Variants in DOCK1 observed in about 807,000 individuals in gnomAD.
The protein encoded by DOCK1 is dedicator of cytokinesis 1.
DOCK1 carries 138 observed loss-of-function variants against 262.7 expected under a neutral mutation model. The ratio of observed to expected loss-of-function variants is 0.53; its 90% confidence interval spans 0.46 to 0.61. The LOEUF (loss-of-function observed/expected upper bound fraction) is 0.61, where lower values mean the gene tolerates loss of function less well. DOCK1 is among the 20% of genes least tolerant of loss of function. The pLI, the probability that DOCK1 is intolerant of heterozygous loss-of-function variation, is 0.00. For synonymous variants in DOCK1, 866 were observed against 867.4 expected, an observed-to-expected ratio of 1.00 and a Z score of 0.03; for missense variants, 1,908 against 2,370.7, an observed-to-expected ratio of 0.80 and a Z score of 4.05.
intron 12 of DOCK1, chr10:127,013,366 G>A (rs540482154): frequency 2.0e-5 from 3 of 152,290 alleles, no homozygotes; most frequent in South Asian, 2.1e-4. Context: ...TGAAAACCAC[G>A]GGGAGGTCCA....
At chr10:127,328,119 C>CAAAAAAAAAAAA (rs11301683) in intron 29 of DOCK1, among the ~76,000 whole-genome samples, 2 of 72,530 alleles carry the variant, frequency 2.8e-5, no homozygotes, top group African/African-American at 4.5e-5. Context: ...TACAAATGGG[C>CAAAAAAAAAAAA]AAAAAAAAAA....
At position 127,032,227 on chromosome 10, in the gene DOCK1, G is replaced by A. The variant is rs749635446; in HGVS notation, c.1819G>A (p.Gly607Ser). 3.3e-5 allele frequency: 53 copies of A among 1,601,214 alleles called. No individual in the cohort carries two copies. The East Asian group carries it at 3.6e-4, about 11-fold the overall frequency. The change falls in exon 18 of 52, where the codon GGC becomes AGC. Residue 607 changes from glycine (G) to serine (S), a missense_variant. Coordinates refer to ENST00000623213, the MANE Select transcript of DOCK1 (RefSeq NM_001290223.2). ...GGAAGAAAAGGGCCACTCGGCCACC[G>A]GCAAGAGCATGCAGAGCCTTGGGAG... is the stretch of plus-strand genomic sequence containing the variant. ...ELEEKGHSAT[G>S]KSMQSLGSCT...
chr10:127,027,569 G>C (rs1168706456), intron 16 of DOCK1, among the ~76,000 whole-genome samples: 1 of 151,602 alleles, frequency 6.6e-6, no homozygotes, highest in Non-Finnish European at 1.5e-5. Flanking sequence ...CTGGGGAACA[G>C]AGTGAGACCC....
At position 127,417,791 on chromosome 10, in the gene DOCK1, G is replaced by T. The variant is rs555861157; in HGVS notation, c.4516-574G>T. On this transcript the variant is annotated intron_variant, in intron 44 of 51. Transcript: ENST00000623213. Reference sequence around the variant, plus strand: ...AGGTTTTGCTATGTTGGCCAGGCTGGTCTTGAACTCCTGACCTCAGGTGAC... The same window carrying T: ...AGGTTTTGCTATGTTGGCCAGGCTGTTCTTGAACTCCTGACCTCAGGTGAC... Among the ~76,000 whole-genome samples the T allele has an allele frequency of 7.9e-5, 12 of 152,058 alleles. 1 individual carries two copies. The highest frequency in any genetic ancestry group is 2.9e-4 in the African/African-American group (12 of 41,388).
intron 35 of DOCK1, among the ~76,000 whole-genome samples, chr10:127,376,974 C>T (rs1474779341): frequency 6.6e-6 from 1 of 152,204 alleles, no homozygotes; most frequent in African/African-American, 2.4e-5. Context: ...GAGCCAGACT[C>T]AGTGCCCACG....
At chr10:127,024,641 G>A (rs761641607) in intron 14 of DOCK1, 44 bp from the exon 15 acceptor site, 2 of 1,533,862 alleles carry the variant, frequency 1.3e-6, no homozygotes, top group South Asian at 2.4e-5. Context: ...ATGGTGTCAA[G>A]CTCTATGAGG....
At chr10:127,076,645 C>A (rs994509147) in intron 23 of DOCK1, among the ~76,000 whole-genome samples, 4 of 152,206 alleles carry the variant, frequency 2.6e-5, no homozygotes, top group African/African-American at 9.7e-5. Flanking sequence ...TCCCCCACCC[C>A]AGCACCCTGA....
chr10:126,993,503 G>T (rs925938924), intron 6 of DOCK1, among the ~76,000 whole-genome samples: 1 of 152,204 alleles, frequency 6.6e-6, no homozygotes, highest in African/African-American at 2.4e-5. Flanking sequence ...GCCGGTTCAG[G>T]GATAGGATAA....
chr10:126,935,798 C>A (rs958646670), intron 1 of DOCK1, among the ~76,000 whole-genome samples: 1 of 152,248 alleles, frequency 6.6e-6, no homozygotes, highest in African/African-American at 2.4e-5. Flanking sequence ...CCATCTAACT[C>A]CATGAGGATA....
At chr10:126,953,421 GTAT>G (rs2036488401) in intron 1 of DOCK1, among the ~76,000 whole-genome samples, 1 of 152,026 alleles carries the variant, frequency 6.6e-6, no homozygotes, top group South Asian at 2.1e-4. Context: ...GGTGGTGGTA[GTAT>G]TGTTATCGGT....
intron 22 of DOCK1, among the ~76,000 whole-genome samples, chr10:127,056,301 C>T (rs2045136916): frequency 6.6e-6 from 1 of 152,124 alleles, no homozygotes; most frequent in African/African-American, 2.4e-5. Flanking sequence ...AACCCCTGGG[C>T]TCAAGCCATC....
chr10:127,343,599 T>C, intron 30 of DOCK1, 47 bp from the exon 31 acceptor site: 5 of 1,416,896 alleles, frequency 3.5e-6, no homozygotes, highest in Non-Finnish European at 4.9e-6. Context: ...TGAGATCCTA[T>C]ATCAAGCTGT....
chr10:126,997,631 G>GTA lies in DOCK1; in HGVS notation c.610-450_610-449dup, dbSNP rs138979268. On this transcript the variant is annotated intron_variant, in intron 7 of 51. Transcript: ENST00000623213. Reference sequence around the variant, plus strand: ...CCCATGATCCAGTCACCTCCCACCAGTATATATATATACACACACACACAG... The same window carrying GTA: ...CCCATGATCCAGTCACCTCCCACCAGTATATATATATATACACACACACACAG... 5.4e-3 allele frequency among the ~76,000 whole-genome samples: 823 copies of GTA among 151,706 alleles called. 5 individuals are homozygous for GTA. The highest frequency in any genetic ancestry group is 0.019 in the African/African-American group (780 of 41,358).
intron 31 of DOCK1, among the ~76,000 whole-genome samples, chr10:127,352,598 G>A (rs2063937788): frequency 6.6e-6 from 1 of 151,410 alleles, no homozygotes; most frequent in Non-Finnish European, 1.5e-5. Context: ...GCAGTGGCCA[G>A]TTTTTTTTTC....
chr10:127,123,660 G>A (rs1173559568), intron 25 of DOCK1, among the ~76,000 whole-genome samples: 3 of 152,146 alleles, frequency 2.0e-5, no homozygotes, highest in Non-Finnish European at 4.4e-5. Context: ...ATGTGTTAGC[G>A]TTTCCAGGCT....
At chr10:127,192,495 A>G (rs1462818917) in intron 27 of DOCK1, 1 of 152,232 alleles carries the variant, frequency 6.6e-6, no homozygotes, top group Non-Finnish European at 1.5e-5. Flanking sequence ...GTGATTTGTC[A>G]TCTGATAACA....
chr10:126,938,767 AGACAGG>A, intron 1 of DOCK1, among the ~76,000 whole-genome samples: 1 of 149,396 alleles, frequency 6.7e-6, no homozygotes, highest in South Asian at 2.2e-4. Context: ...GAGGGGATGA[AGACAGG>A]AGGGGATGAA....
chr10:127,113,509 G>A (rs947010388), intron 25 of DOCK1, among the ~76,000 whole-genome samples: 2 of 152,206 alleles, frequency 1.3e-5, no homozygotes, highest in Non-Finnish European at 2.9e-5. Context: ...CAAGAGGCTG[G>A]CAGTGAATTC....
At chr10:127,031,904 CT>C (rs1359230408) in intron 17 of DOCK1, among the ~76,000 whole-genome samples, 151 bp downstream of exon 17, 1 of 152,286 alleles carries the variant, frequency 6.6e-6, no homozygotes, top group African/African-American at 2.4e-5. Context: ...ATGACCAGCC[CT>C]TTTGTTGTTC....
Sources: gnomAD v4.1 joint callset for allele counts (sites outside exome capture counted in the v4.1 genomes callset) on GRCh38, gnomAD v4.1.1 for gene constraint, MANE v1.5 for transcripts, NCBI Gene and HGNC (gene_info 2026-07-23, HGNC 2026-07-21) for gene names.